GALNT14: variants seen among roughly 807,000 people sequenced by gnomAD.
GALNT14 encodes UDP-GalNAc:polypeptide N-acetylgalactosaminyltransferase 14.
GALNT14 carries 60 observed loss-of-function variants against 77.5 expected under a neutral mutation model. That is an observed-to-expected ratio of 0.77 (90% confidence interval 0.63 to 0.96). GALNT14 has a LOEUF of 0.96. Among genes scored for constraint, GALNT14 ranks in the 40% least tolerant of loss-of-function variants. GALNT14 has a pLI of 0.00. For synonymous variants in GALNT14, 280 were observed against 281.7 expected (o/e 0.99, Z 0.06); for missense variants, 710 against 731.0 (o/e 0.97, Z 0.33).
rs555805162 is a variant in GALNT14 at position 31,069,234 on chromosome 2, G to A, written c.129+68724C>T. Among the ~76,000 whole-genome samples, 17 of 152,302 alleles carry A rather than the reference G, an allele frequency of 1.1e-4. No individual in the cohort carries two copies. The South Asian group carries it at 2.5e-3, about 22-fold the overall frequency. Reference sequence around the variant, plus strand: ...ATCTTTCTTCTATAGAGAGGGACAGGGAGGAAGCTAAGATCTCAGGAACAG... The same window carrying A: ...ATCTTTCTTCTATAGAGAGGGACAGAGAGGAAGCTAAGATCTCAGGAACAG... On this transcript the variant is annotated intron_variant, in intron 1 of 14. Coordinates refer to ENST00000349752, the MANE Select transcript of GALNT14 (RefSeq NM_024572.4).
chr2:30,945,744 G>C (rs1463419399), intron 7 of GALNT14, 39 bp downstream of exon 7: 1 of 1,532,054 alleles, frequency 6.5e-7, no homozygotes, highest in East Asian at 2.2e-5. Flanking sequence ...GAGAGGAAAA[G>C]AAAATCCTTA....
intron 3 of GALNT14, among the ~76,000 whole-genome samples, chr2:30,959,115 C>T (rs577741664): frequency 2.6e-5 from 4 of 152,208 alleles, no homozygotes; most frequent in South Asian, 2.1e-4. Flanking sequence ...CTGCTGCTGC[C>T]GCTGCTTGAA....
intron 1 of GALNT14, among the ~76,000 whole-genome samples, chr2:31,100,912 C>A (rs1677241848): frequency 6.6e-6 from 1 of 151,930 alleles, no homozygotes; most frequent in African/African-American, 2.4e-5. Context: ...TAACACAAAC[C>A]CTATTTTATA....
chr2:31,077,129 C>G (rs1176509227), intron 1 of GALNT14, among the ~76,000 whole-genome samples: 1 of 152,202 alleles, frequency 6.6e-6, no homozygotes, highest in Non-Finnish European at 1.5e-5. Flanking sequence ...CCATTTGTTT[C>G]TCACAGTGCT....
chr2:31,055,409 G>C (rs1373900006), intron 1 of GALNT14, among the ~76,000 whole-genome samples: 1 of 152,232 alleles, frequency 6.6e-6, no homozygotes, highest in South Asian at 2.1e-4. Context: ...CCACAGCCTT[G>C]TCATTTCACT....
chr2:31,013,390 A>C (rs1671156614), intron 1 of GALNT14, among the ~76,000 whole-genome samples: 1 of 152,208 alleles, frequency 6.6e-6, no homozygotes, highest in Non-Finnish European at 1.5e-5. Context: ...TAGGTATCGA[A>C]CTTCCAAATG....
At chr2:31,075,982 C>A (rs1241276536) in intron 1 of GALNT14, among the ~76,000 whole-genome samples, 1 of 152,208 alleles carries the variant, frequency 6.6e-6, no homozygotes, top group Non-Finnish European at 1.5e-5. Flanking sequence ...TGCCTGACAC[C>A]TACTTCAATG....
chr2:30,971,563 ACT>A (rs981474095), intron 2 of GALNT14, among the ~76,000 whole-genome samples: 1 of 151,782 alleles, frequency 6.6e-6, no homozygotes, highest in African/African-American at 2.4e-5. Flanking sequence ...CTCAGTGAAG[ACT>A]CTCAATTTTC....
chr2:31,008,597 C>A (rs1670822435), intron 1 of GALNT14, among the ~76,000 whole-genome samples: 1 of 148,390 alleles, frequency 6.7e-6, no homozygotes, highest in Non-Finnish European at 1.5e-5. Context: ...GCTTTCCAGG[C>A]AGAAAAGATG....
chr2:30,897,384 A>G, the GALNT14 span, among the ~76,000 whole-genome samples: 1 of 152,208 alleles, frequency 6.6e-6, no homozygotes, highest in South Asian at 2.1e-4. Flanking sequence ...GTAGAAGCCC[A>G]GGCTGGACTC....
chr2:30,956,043 C>T, intron 4 of GALNT14, 66 bp from the exon 5 acceptor site: 1 of 1,517,002 alleles, frequency 6.6e-7, no homozygotes. Context: ...CAATTGTGTG[C>T]ACTGCAGGTG....
chr2:31,055,685 C>T (rs1022318895), intron 1 of GALNT14, among the ~76,000 whole-genome samples: 5 of 152,172 alleles, frequency 3.3e-5, no homozygotes, highest in African/African-American at 1.2e-4. Flanking sequence ...TCCTTGGCAA[C>T]GGATCCCTAG....
chr2:31,068,841 G>A (rs534958428), intron 1 of GALNT14, among the ~76,000 whole-genome samples: 19 of 152,326 alleles, frequency 1.2e-4, no homozygotes, highest in African/African-American at 3.1e-4. Context: ...GTACTGGCAC[G>A]TGCTACAGCA....
At chr2:30,895,263 G>T in the GALNT14 span, among the ~76,000 whole-genome samples, 84 of 152,288 alleles carry the variant, frequency 5.5e-4, no homozygotes, top group African/African-American at 1.9e-3. Flanking sequence ...CTTACACACA[G>T]TAGGGGTGGG....
chr2:31,024,884 T>C (rs1671945909), intron 1 of GALNT14, among the ~76,000 whole-genome samples: 1 of 152,142 alleles, frequency 6.6e-6, no homozygotes, highest in Admixed American at 6.6e-5. Context: ...TCTAGGACCA[T>C]GAGCTGGCAG....
intron 1 of GALNT14, among the ~76,000 whole-genome samples, chr2:31,124,404 G>A (rs73924418): frequency 2.6e-5 from 4 of 152,280 alleles, no homozygotes; most frequent in African/African-American, 7.2e-5. Flanking sequence ...GGGGATAAAC[G>A]TTTGACAATT....
intron 1 of GALNT14, among the ~76,000 whole-genome samples, chr2:31,094,342 A>G (rs1169494480): frequency 1.3e-5 from 2 of 151,994 alleles, no homozygotes; most frequent in Non-Finnish European, 2.9e-5. Flanking sequence ...TGATAATCCC[A>G]CCCTTTGCTG....
chr2:31,019,410 C>T (rs1329534455), intron 1 of GALNT14, among the ~76,000 whole-genome samples: 2 of 152,192 alleles, frequency 1.3e-5, no homozygotes, highest in Non-Finnish European at 2.9e-5. Flanking sequence ...ACCTAACTCA[C>T]CTGCCCCAGC....
At chr2:30,920,818 G>T (rs1038301081) in intron 13 of GALNT14, among the ~76,000 whole-genome samples, 1 of 152,164 alleles carries the variant, frequency 6.6e-6, no homozygotes, top group Non-Finnish European at 1.5e-5. Context: ...CCCAGCATCA[G>T]GCCACCTTGC....
Sources: allele counts gnomAD v4.1 joint callset (sites outside exome capture counted in the v4.1 genomes callset), GRCh38; gene constraint gnomAD v4.1.1; transcripts MANE v1.5; gene names NCBI Gene and HGNC (gene_info 2026-07-23, HGNC 2026-07-21).